Variants in RUNX1 observed in about 807,000 individuals in gnomAD.
The protein encoded by RUNX1 is runt-related transcription factor 1.
In RUNX1, 19 loss-of-function variants were observed where a neutral mutation model predicts 42.8. That is an observed-to-expected ratio of 0.44 (90% CI 0.31 to 0.65). RUNX1 has a LOEUF of 0.65. Ranked by LOEUF, RUNX1 falls within the 30% of genes least tolerant of loss-of-function variation. The probability of loss-of-function intolerance (pLI) is 0.07; values close to 1 mark genes in which losing one functional copy is unlikely to be tolerated. For synonymous variants in RUNX1, 271 were observed against 289.4 expected, an observed-to-expected ratio of 0.94 and a Z score of 0.64; for missense variants, 528 against 672.0, an observed-to-expected ratio of 0.79 and a Z score of 2.37.
At chr21:35,041,843 A>G (rs1484253489) in intron 2 of RUNX1, among the ~76,000 whole-genome samples, 1 of 152,150 alleles carries the variant, frequency 6.6e-6, no homozygotes, top group Non-Finnish European at 1.5e-5. Context: ...TCTGTTTTTC[A>G]TATTTCTATC....
intron 2 of RUNX1, among the ~76,000 whole-genome samples, chr21:34,964,017 T>G (rs774304971): frequency 1.3e-5 from 2 of 152,166 alleles, no homozygotes; most frequent in Non-Finnish European, 2.9e-5. Flanking sequence ...CATTCCAGGT[T>G]TTACCCCTGT....
chr21:34,915,093 C>T (rs937534293), intron 2 of RUNX1, among the ~76,000 whole-genome samples: 3 of 152,140 alleles, frequency 2.0e-5, no homozygotes, highest in Non-Finnish European at 2.9e-5. Context: ...AGATATTCAA[C>T]GAGACCGCTT....
intron 2 of RUNX1, among the ~76,000 whole-genome samples, chr21:35,036,331 TG>T (rs1331022349): frequency 1.3e-5 from 2 of 152,228 alleles, no homozygotes; most frequent in African/African-American, 2.4e-5. Flanking sequence ...TCTTTTAATT[TG>T]TCCCATTAAG....
chr21:34,908,179 C>T (rs2058240261), intron 2 of RUNX1, among the ~76,000 whole-genome samples: 1 of 152,052 alleles, frequency 6.6e-6, no homozygotes, highest in Admixed American at 6.5e-5. Flanking sequence ...TAAACTCCAG[C>T]CCCAAAAAAG....
intron 2 of RUNX1, among the ~76,000 whole-genome samples, chr21:35,014,280 CCATA>C (rs2059144593): frequency 6.6e-6 from 1 of 152,112 alleles, no homozygotes; most frequent in Non-Finnish European, 1.5e-5. Context: ...ATGTTGCGTG[CCATA>C]CATAATCAGT....
chr21:34,888,048 C>T (rs986032466), intron 3 of RUNX1: 7 of 1,066,314 alleles, frequency 6.6e-6, no homozygotes, highest in Non-Finnish European at 8.0e-6. Context: ...GTGGCTGGTC[C>T]TCTGGTTTGT....
chr21:34,879,072 G>A (rs769530674), intron 5 of RUNX1, among the ~76,000 whole-genome samples: 15 of 152,216 alleles, frequency 9.9e-5, no homozygotes, highest in Admixed American at 4.6e-4. Context: ...GCATGGACCA[G>A]GCTGTGGGGC....
chr21:35,004,043 A>G (rs2059066167), intron 2 of RUNX1, among the ~76,000 whole-genome samples: 4 of 152,378 alleles, frequency 2.6e-5, no homozygotes, highest in South Asian at 4.1e-4. Flanking sequence ...AGATTTCTTT[A>G]AAGTGGTAAA....
chr21:34,950,529 A>G (rs1182746300), intron 2 of RUNX1, among the ~76,000 whole-genome samples: 1 of 152,220 alleles, frequency 6.6e-6, no homozygotes, highest in Non-Finnish European at 1.5e-5. Flanking sequence ...ACTTGAGGTC[A>G]GGAGTTCAAG....
intron 7 of RUNX1, among the ~76,000 whole-genome samples, chr21:34,815,633 C>A (rs531479377): frequency 9.2e-5 from 14 of 152,138 alleles, no homozygotes; most frequent in Non-Finnish European, 1.5e-4. Flanking sequence ...GGAGGCCACA[C>A]AGGGGCACAT....
chr21:35,034,713 G>A (rs947179709), intron 2 of RUNX1, among the ~76,000 whole-genome samples: 11 of 152,124 alleles, frequency 7.2e-5, no homozygotes, highest in African/African-American at 1.7e-4. Context: ...AGAATGATTC[G>A]GTTGCAAATG....
chr21:34,864,460 G>A (rs548522991), intron 5 of RUNX1, among the ~76,000 whole-genome samples: 3 of 152,330 alleles, frequency 2.0e-5, no homozygotes, highest in Admixed American at 6.5e-5. Flanking sequence ...CGAGAGGGCC[G>A]GTGTTTCTGT....
At chr21:34,857,739 T>C (rs2057515327) in intron 6 of RUNX1, among the ~76,000 whole-genome samples, 1 of 152,212 alleles carries the variant, frequency 6.6e-6, no homozygotes, top group Non-Finnish European at 1.5e-5. Flanking sequence ...TGGTCCTCTG[T>C]GGAGAACAAA....
chr21:34,859,389 G>A, intron 6 of RUNX1, 85 bp downstream of exon 6: 5 of 1,105,366 alleles, frequency 4.5e-6, no homozygotes, highest in Non-Finnish European at 7.0e-6. Context: ...TGAACCCAAG[G>A]AATCTGAGAC....
At position 35,045,003 on chromosome 21, in the gene RUNX1, T is replaced by C. The variant is rs576390198; in HGVS notation, c.58+3839A>G. On this transcript the variant is annotated intron_variant, in intron 2 of 8. Coordinates refer to ENST00000675419, the MANE Select transcript of RUNX1 (RefSeq NM_001754.5). Reference sequence around the variant, plus strand: ...CCTACAGCCCCCTAAACCCCACTAATAAAGTCAGTCTGAAGTACAAAGACA... The same window carrying C: ...CCTACAGCCCCCTAAACCCCACTAACAAAGTCAGTCTGAAGTACAAAGACA... Among the ~76,000 whole-genome samples, 4 of 152,186 alleles carry C rather than the reference T, an allele frequency of 2.6e-5. No homozygotes were observed. In the South Asian group the frequency reaches 8.3e-4, roughly 32 times the overall value.
chr21:34,966,625 A>C (rs1183911726), intron 2 of RUNX1, among the ~76,000 whole-genome samples: 2 of 152,212 alleles, frequency 1.3e-5, no homozygotes, highest in African/African-American at 4.8e-5. Flanking sequence ...TCACCCCACC[A>C]ATCAATGACA....
At chr21:34,981,465 A>G (rs1047140557) in intron 2 of RUNX1, among the ~76,000 whole-genome samples, 1 of 152,242 alleles carries the variant, frequency 6.6e-6, no homozygotes, top group Admixed American at 6.5e-5. Context: ...GACCTATTCT[A>G]GAAGCCTGGT....
At chr21:34,873,963 T>A (rs1463184478) in intron 5 of RUNX1, among the ~76,000 whole-genome samples, 1 of 152,234 alleles carries the variant, frequency 6.6e-6, no homozygotes, top group African/African-American at 2.4e-5. Flanking sequence ...GCGCATGTCA[T>A]AGTATTCATA....
At chr21:34,809,481 T>C (rs942790122) in intron 7 of RUNX1, among the ~76,000 whole-genome samples, 2 of 151,828 alleles carry the variant, frequency 1.3e-5, no homozygotes, top group East Asian at 3.9e-4. Flanking sequence ...AGGCACAGCA[T>C]CTCCCAGGAC....
Sources: gnomAD v4.1 joint callset for allele counts (sites outside exome capture counted in the v4.1 genomes callset) on GRCh38, gnomAD v4.1.1 for gene constraint, MANE v1.5 for transcripts, NCBI Gene and HGNC (gene_info 2026-07-23, HGNC 2026-07-21) for gene names.